The following NEGR1 variants were observed in gnomAD, a reference collection of about 807,000 sequenced individuals.
The protein encoded by NEGR1 is IgLON family member 4.
A neutral mutation model predicts 40.9 loss-of-function variants in NEGR1; 10 were observed. The observed-to-expected ratio is 0.24, with a 90% CI of 0.15 to 0.42. The LOEUF (loss-of-function observed/expected upper bound fraction) is 0.42, where lower values mean the gene tolerates loss of function less well. Ranked by LOEUF, NEGR1 falls within the 10% of genes least tolerant of loss-of-function variation. NEGR1 has a pLI of 1.00. For synonymous variants in NEGR1, 185 were observed against 166.8 expected (o/e 1.11, Z -0.84); for missense variants, 352 against 438.9 (o/e 0.80, Z 1.77).
chr1:71,616,021 T>G (rs916390866), intron 4 of NEGR1, among the ~76,000 whole-genome samples: 1 of 152,232 alleles, frequency 6.6e-6, no homozygotes, highest in African/African-American at 2.4e-5. Flanking sequence ...ATTCCAAGTT[T>G]ACACCATTCT....
chr1:71,538,839 G>A (rs1219124508), intron 6 of NEGR1, among the ~76,000 whole-genome samples: 1 of 151,746 alleles, frequency 6.6e-6, no homozygotes, highest in African/African-American at 2.4e-5. Flanking sequence ...AATACAGACA[G>A]CACTGTCCTG....
At chr1:72,110,404 G>C (rs1331606174) in intron 1 of NEGR1, among the ~76,000 whole-genome samples, 1 of 151,394 alleles carries the variant, frequency 6.6e-6, no homozygotes, top group Admixed American at 6.6e-5. Flanking sequence ...ATAGGTTTAA[G>C]TAAAAACAAA....
At position 71,862,396 on chromosome 1, in the gene NEGR1, A is replaced by G. The variant is rs939383611; in HGVS notation, c.409+72683T>C. On this transcript the variant is annotated intron_variant, in intron 2 of 6. Coordinates refer to ENST00000357731, the MANE Select transcript of NEGR1 (RefSeq NM_173808.3). ...TCACTCGCCCATTTTCAAAAACATCATAAGATAACTACCTCACTCACTCCC... is the reference window on the plus strand; with the variant it reads ...TCACTCGCCCATTTTCAAAAACATCGTAAGATAACTACCTCACTCACTCCC... 3.3e-5 allele frequency among the ~76,000 whole-genome samples: 5 copies of G among 152,174 alleles called. No homozygotes were observed. In the East Asian group the frequency reaches 9.7e-4, roughly 29 times the overall value.
intron 2 of NEGR1, among the ~76,000 whole-genome samples, chr1:71,797,413 A>G (rs998419982): frequency 1.3e-5 from 2 of 152,146 alleles, no homozygotes; most frequent in Non-Finnish European, 2.9e-5. Flanking sequence ...TCCAATATGA[A>G]ATCTAAGGCC....
intron 5 of NEGR1, among the ~76,000 whole-genome samples, chr1:71,602,171 C>T (rs1034352259): frequency 2.7e-5 from 4 of 149,332 alleles, no homozygotes; most frequent in Non-Finnish European, 5.9e-5. Context: ...CACACCAAGA[C>T]ATTTAAAAAC....
intron 1 of NEGR1, among the ~76,000 whole-genome samples, chr1:72,014,679 T>C (rs1222410482): frequency 6.6e-6 from 1 of 152,002 alleles, no homozygotes; most frequent in Non-Finnish European, 1.5e-5. Context: ...AAATAACACA[T>C]TCAAATAATT....
intron 6 of NEGR1, among the ~76,000 whole-genome samples, chr1:71,421,704 A>G (rs961043863): frequency 2.6e-5 from 4 of 152,102 alleles, no homozygotes; most frequent in Admixed American, 6.6e-5. Flanking sequence ...GTTTGTTTAC[A>G]TGTAAGACTT....
intron 4 of NEGR1, among the ~76,000 whole-genome samples, chr1:71,619,445 T>C (rs1650546248): frequency 6.6e-6 from 1 of 152,114 alleles, no homozygotes; most frequent in South Asian, 2.1e-4. Context: ...TTTCTTTTTG[T>C]ATATATAGCC....
chr1:71,865,377 C>T (rs1413189225), intron 2 of NEGR1, among the ~76,000 whole-genome samples: 1 of 152,094 alleles, frequency 6.6e-6, no homozygotes, highest in Non-Finnish European at 1.5e-5. Context: ...AAATGCGGCA[C>T]TTATACACCA....
At chr1:72,087,263 A>G (rs1648259511) in intron 1 of NEGR1, among the ~76,000 whole-genome samples, 1 of 152,000 alleles carries the variant, frequency 6.6e-6, no homozygotes, top group Admixed American at 6.6e-5. Flanking sequence ...CTAAAAATAC[A>G]ACAATAACAA....
chr1:71,895,037 G>A (rs967311258), intron 2 of NEGR1, among the ~76,000 whole-genome samples: 17 of 151,992 alleles, frequency 1.1e-4, no homozygotes, highest in African/African-American at 2.2e-4. Context: ...CATACCCATC[G>A]CATGATTCTA....
chr1:72,063,401 A>T (rs1647207039), intron 1 of NEGR1, among the ~76,000 whole-genome samples: 1 of 151,936 alleles, frequency 6.6e-6, no homozygotes, highest in African/African-American at 2.4e-5. Context: ...ACTTATAGTT[A>T]TGTACGGCGT....
At chr1:71,911,873 T>C (rs938280422) in intron 2 of NEGR1, among the ~76,000 whole-genome samples, 6 of 152,168 alleles carry the variant, frequency 3.9e-5, no homozygotes, top group African/African-American at 1.4e-4. Flanking sequence ...TATGCATAAT[T>C]TGCTAACCTA....
intron 2 of NEGR1, among the ~76,000 whole-genome samples, chr1:71,798,551 T>C (rs897722461): frequency 6.6e-6 from 1 of 152,226 alleles, no homozygotes; most frequent in African/African-American, 2.4e-5. Context: ...GAATTACATC[T>C]TCACAATATT....
intron 1 of NEGR1, among the ~76,000 whole-genome samples, chr1:71,961,676 C>T (rs1252481731): frequency 6.6e-6 from 1 of 152,078 alleles, no homozygotes; most frequent in African/African-American, 2.4e-5. Flanking sequence ...AGAGCTATCA[C>T]TTTTTAATTC....
intron 1 of NEGR1, among the ~76,000 whole-genome samples, chr1:72,007,766 A>C (rs931306561): frequency 6.6e-6 from 1 of 152,224 alleles, no homozygotes; most frequent in Non-Finnish European, 1.5e-5. Context: ...ATTTACTCTA[A>C]AGATATAGGC....
intron 6 of NEGR1, among the ~76,000 whole-genome samples, chr1:71,408,173 T>C (rs1386324259): frequency 1.3e-5 from 2 of 151,904 alleles, no homozygotes; most frequent in African/African-American, 4.8e-5. Context: ...AAGGAGACTA[T>C]CATGTGGGTA....
At chr1:71,527,588 C>T (rs530202858) in intron 6 of NEGR1, among the ~76,000 whole-genome samples, 5 of 151,638 alleles carry the variant, frequency 3.3e-5, no homozygotes, top group African/African-American at 9.6e-5. Context: ...TCTCTATTCC[C>T]GAATGAGTTT....
intron 6 of NEGR1, among the ~76,000 whole-genome samples, chr1:71,450,576 G>A (rs868867045): frequency 1.3e-5 from 2 of 151,894 alleles, no homozygotes; most frequent in African/African-American, 2.4e-5. Flanking sequence ...GGAGGCTGAG[G>A]CGGGCAGATC....
Sources: gnomAD v4.1 joint callset for allele counts (sites outside exome capture counted in the v4.1 genomes callset) on GRCh38, gnomAD v4.1.1 for gene constraint, MANE v1.5 for transcripts, NCBI Gene and HGNC (gene_info 2026-07-23, HGNC 2026-07-21) for gene names.